CBLB: variants seen among roughly 807,000 people sequenced by gnomAD.
CBLB encodes the protein E3 ubiquitin-protein ligase CBL-B.
A neutral mutation model predicts 104.9 loss-of-function variants in CBLB; 31 were observed. The ratio of observed to expected loss-of-function variants is 0.30; its 90% CI spans 0.22 to 0.40. The LOEUF is 0.40. CBLB is among the 10% of genes least tolerant of loss of function. The probability of loss-of-function intolerance (pLI) is 1.00; values close to 1 mark genes in which losing one functional copy is unlikely to be tolerated. For missense variants in CBLB, 1,062 were observed against 1,214.6 expected, an observed-to-expected ratio of 0.87 and a Z score of 1.87; for synonymous variants, 440 against 422.6, an observed-to-expected ratio of 1.04 and a Z score of -0.51.
intron 10 of CBLB, among the ~76,000 whole-genome samples, chr3:105,709,491 C>A (rs988218007): frequency 6.6e-6 from 1 of 151,734 alleles, no homozygotes; most frequent in African/African-American, 2.4e-5. Flanking sequence ...TTAAAGAACA[C>A]CTACATATAG....
chr3:105,710,044 T>C (rs2070828372), intron 10 of CBLB, among the ~76,000 whole-genome samples: 1 of 151,968 alleles, frequency 6.6e-6, no homozygotes, highest in Non-Finnish European at 1.5e-5. Flanking sequence ...ACTAGCTTTT[T>C]ACATTTTTTT....
chr3:105,776,702 A>T (rs56405245), intron 3 of CBLB, among the ~76,000 whole-genome samples, 160 bp from the exon 4 acceptor site: 2,661 of 152,306 alleles, frequency 0.017, 71 homozygotes, highest in African/African-American at 0.06. Context: ...CCCTTAAAAA[A>T]AGTTTATGAA....
chr3:105,656,264 G>C lies in CBLB; in HGVS notation c.*2706C>G, dbSNP rs761840999. The C allele has an allele frequency of 5.2e-5, 11 of 210,322 alleles. No homozygotes were observed. The highest frequency in any genetic ancestry group is 8.6e-5 in the Non-Finnish European group (9 of 104,200). 13.0% of individuals were successfully genotyped at this position (210,322 alleles called of 1,614,324 possible). On this transcript the variant is annotated 3_prime_UTR_variant, in exon 19 of 19. Coordinates refer to ENST00000394030, the MANE Select transcript of CBLB (RefSeq NM_170662.5). ...GTAAGTTAATTTGTCTTAATTTTAT[G>C]TATTATATGAAATGCTGACTTAAAA...
At chr3:105,709,557 T>C (rs549265084) in intron 10 of CBLB, among the ~76,000 whole-genome samples, 1 of 152,048 alleles carries the variant, frequency 6.6e-6, no homozygotes, top group African/African-American at 2.4e-5. Flanking sequence ...CAATGTTTAT[T>C]AGCATTATAC....
At chr3:105,717,280 T>G (rs892866071) in intron 10 of CBLB, among the ~76,000 whole-genome samples, 1 of 151,992 alleles carries the variant, frequency 6.6e-6, no homozygotes, top group Admixed American at 6.6e-5. Flanking sequence ...TCTTCACAGC[T>G]AAAAAAAACA....
Position 105,702,453 on chromosome 3 carries a change from G to T in CBLB, c.1600C>A (p.Pro534Thr). ...GSPTGSPKSS[P>T]CMVRKQDKPL... ...TTATCTTGTTTTCTCACCATGCAAG[G>T]AGAAGACTAAAGAAACAGAAGAGAA... Residue 534 changes from proline to threonine, a missense_variant, in exon 12 of 19, where the codon CCT becomes ACT. Coordinates refer to ENST00000394030, the MANE Select transcript of CBLB (RefSeq NM_170662.5). 1 of 510,874 alleles carries T rather than the reference G, an allele frequency of 2.0e-6. No homozygotes were observed. Among genetic ancestry groups the T allele is most frequent in the South Asian group, 2.3e-5 (1 of 43,342 alleles). The allele number at this position is 510,874 out of a possible 1,614,324, so 31.6% of individuals were successfully genotyped here.
chr3:105,695,080 A>G (rs2068178009), intron 12 of CBLB, among the ~76,000 whole-genome samples: 1 of 151,880 alleles, frequency 6.6e-6, no homozygotes, highest in Non-Finnish European at 1.5e-5. Context: ...CTGCAGGAAT[A>G]GACACAATGT....
chr3:105,868,371 T>G, intron 1 of CBLB: 1 of 457,292 alleles, frequency 2.2e-6, no homozygotes, highest in Non-Finnish European at 3.5e-6. Context: ...CTCAGGCCCC[T>G]TCCCGGCCCC....
intron 12 of CBLB, among the ~76,000 whole-genome samples, chr3:105,700,476 A>G (rs991209873): frequency 6.7e-5 from 9 of 134,194 alleles, no homozygotes; most frequent in Non-Finnish European, 9.3e-5. Flanking sequence ...CTAAAGGGGG[A>G]AAAAAAAAAA....
At chr3:105,778,848 T>C (rs893360185) in intron 3 of CBLB, among the ~76,000 whole-genome samples, 11 of 152,194 alleles carry the variant, frequency 7.2e-5, no homozygotes, top group Non-Finnish European at 1.3e-4. Flanking sequence ...ATGGTAGATA[T>C]AAGATATTGT....
At chr3:105,866,539 G>A (rs1449552697) in intron 2 of CBLB, among the ~76,000 whole-genome samples, 2 of 152,152 alleles carry the variant, frequency 1.3e-5, no homozygotes, top group Non-Finnish European at 1.5e-5. Context: ...CCAGGACAGT[G>A]CTACTGCTTC....
At chr3:105,686,154 C>T (rs1011663022) in intron 13 of CBLB, among the ~76,000 whole-genome samples, 1 of 152,118 alleles carries the variant, frequency 6.6e-6, no homozygotes, top group Non-Finnish European at 1.5e-5. Flanking sequence ...AAACCATCAC[C>T]TAATATCAAA....
chr3:105,857,448 G>A (rs571125651), intron 2 of CBLB, among the ~76,000 whole-genome samples: 43 of 152,192 alleles, frequency 2.8e-4, no homozygotes, highest in African/African-American at 1.0e-3. Context: ...TAACTTAAGA[G>A]CAATGTAATT....
chr3:105,822,955 C>T (rs1202955347), intron 3 of CBLB, among the ~76,000 whole-genome samples: 1 of 152,154 alleles, frequency 6.6e-6, no homozygotes, highest in African/African-American at 2.4e-5. Flanking sequence ...TGTTGACATG[C>T]TATCTTTGTG....
At chr3:105,712,565 T>C (rs2071265764) in intron 10 of CBLB, among the ~76,000 whole-genome samples, 1 of 152,226 alleles carries the variant, frequency 6.6e-6, no homozygotes, top group Non-Finnish European at 1.5e-5. Flanking sequence ...AACAAGCAAT[T>C]GCTATTTGGT....
chr3:105,672,466 T>C, intron 17 of CBLB: 1 of 171,758 alleles, frequency 5.8e-6, no homozygotes. Flanking sequence ...ATTCAGGCTT[T>C]AAAGGGAAAG....
chr3:105,793,386 G>A (rs375236360), intron 3 of CBLB, among the ~76,000 whole-genome samples: 2 of 151,342 alleles, frequency 1.3e-5, no homozygotes, highest in South Asian at 4.2e-4. Context: ...AAGCTGGGAT[G>A]CAGGAAGCAA....
chr3:105,744,597 C>T lies in CBLB; in HGVS notation c.845+1320G>A, dbSNP rs971366866. 3.2e-4 allele frequency among the ~76,000 whole-genome samples: 48 copies of T among 151,836 alleles called. 1 individual carries two copies. The highest frequency in any genetic ancestry group is 1.1e-3 in the African/African-American group (46 of 41,320). On this transcript the variant is annotated intron_variant, in intron 6 of 18. Transcript: ENST00000394030. ...AAAAATATGGAAATTTTCATAATGG[C>T]AGAGAAGAAAAAATCAGCACTATTG...
chr3:105,744,018 T>C (rs2075873565), intron 6 of CBLB, among the ~76,000 whole-genome samples: 1 of 152,190 alleles, frequency 6.6e-6, no homozygotes, highest in Non-Finnish European at 1.5e-5. Context: ...GTATAAAATG[T>C]ATATATTGTA....
Sources: allele counts gnomAD v4.1 joint callset (sites outside exome capture counted in the v4.1 genomes callset), GRCh38; gene constraint gnomAD v4.1.1; transcripts MANE v1.5; gene names NCBI Gene and HGNC (gene_info 2026-07-23, HGNC 2026-07-21).